The following PTPRM variants were observed in gnomAD, a reference collection of about 807,000 sequenced individuals.
PTPRM encodes the protein protein tyrosine phosphatase receptor type M.
In PTPRM, 47 loss-of-function variants were observed where a neutral mutation model predicts 186.7. That is an observed-to-expected ratio of 0.25 (90% confidence interval 0.20 to 0.32). The LOEUF (loss-of-function observed/expected upper bound fraction) is 0.32, where lower values mean the gene tolerates loss of function less well. PTPRM is among the 10% of genes least tolerant of loss of function. PTPRM has a pLI of 1.00. For synonymous variants in PTPRM, 668 were observed against 674.9 expected (o/e 0.99, Z 0.16); for missense variants, 1,494 against 1,865.0 (o/e 0.80, Z 3.66).
chr18:8,012,755 G>C (rs998637080), intron 7 of PTPRM, among the ~76,000 whole-genome samples: 1 of 152,200 alleles, frequency 6.6e-6, no homozygotes, highest in Non-Finnish European at 1.5e-5. Flanking sequence ...GCACATGTCT[G>C]TATATTATCT....
intron 1 of PTPRM, among the ~76,000 whole-genome samples, chr18:7,648,321 C>G (rs959861815): frequency 4.6e-5 from 7 of 152,104 alleles, no homozygotes; most frequent in Non-Finnish European, 2.9e-5. Context: ...TTTCCTGAGA[C>G]TCAACAATAT....
At chr18:8,173,125 T>C (rs1276379104) in intron 14 of PTPRM, among the ~76,000 whole-genome samples, 3 of 152,152 alleles carry the variant, frequency 2.0e-5, no homozygotes, top group Non-Finnish European at 4.4e-5. Context: ...AGTATTATAG[T>C]CTAAGTGGAA....
intron 2 of PTPRM, among the ~76,000 whole-genome samples, chr18:7,821,365 G>T (rs774955045): frequency 6.6e-6 from 1 of 152,120 alleles, no homozygotes; most frequent in Non-Finnish European, 1.5e-5. Flanking sequence ...ACAAGGAAAA[G>T]ACATTCTTGT....
chr18:7,897,438 C>G (rs975013867), intron 3 of PTPRM, among the ~76,000 whole-genome samples: 10 of 152,236 alleles, frequency 6.6e-5, no homozygotes, highest in African/African-American at 2.4e-4. Context: ...TGAAATATCA[C>G]TCTCTCTCAA....
chr18:7,927,549 C>T (rs950770155), intron 5 of PTPRM, among the ~76,000 whole-genome samples: 9 of 151,606 alleles, frequency 5.9e-5, no homozygotes, highest in African/African-American at 2.2e-4. Context: ...GGTTTTAACC[C>T]TTCTGTGTAC....
Position 7,884,924 on chromosome 18 carries a change from C to CAAAAAAAAAAA in PTPRM, c.197-3165_197-3155dup, listed in dbSNP as rs56724615. On this transcript the variant is annotated intron_variant, in intron 2 of 32. Coordinates refer to ENST00000580170, the MANE Select transcript of PTPRM (RefSeq NM_001105244.2). ...GGGCGACGAGAGCAAAGCTCCATCTCAAAAAAAAAAAAAAAAAAAAAAAAA... is the reference window on the plus strand; with the variant it reads ...GGGCGACGAGAGCAAAGCTCCATCTCAAAAAAAAAAAAAAAAAAAAAAAAAAAAAAAAAAAA... Among the ~76,000 whole-genome samples, 89 of 37,842 alleles carry CAAAAAAAAAAA rather than the reference C, an allele frequency of 2.4e-3. 4 individuals are homozygous for CAAAAAAAAAAA. The highest frequency in any genetic ancestry group is 0.062 in the Middle Eastern group (2 of 32). The allele number at this position is 37,842 out of a possible 152,430, so 24.8% of individuals were successfully genotyped here. A position where few individuals can be genotyped will look rare whatever the true frequency, so the allele number is the denominator to read the frequency against.
At chr18:8,243,808 G>A (rs180917432) in intron 14 of PTPRM, among the ~76,000 whole-genome samples, 351 of 152,248 alleles carry the variant, frequency 2.3e-3, no homozygotes, top group African/African-American at 7.3e-3. Flanking sequence ...TTAGGCTGTG[G>A]TGTTTTATCT....
intron 19 of PTPRM, among the ~76,000 whole-genome samples, chr18:8,258,826 A>G (rs1210010603): frequency 6.6e-6 from 1 of 152,110 alleles, no homozygotes; most frequent in East Asian, 1.9e-4. Context: ...TAGAGCTGAA[A>G]CGTATCAAAG....
At chr18:8,151,224 G>A (rs1009569620) in intron 14 of PTPRM, among the ~76,000 whole-genome samples, 6 of 152,168 alleles carry the variant, frequency 3.9e-5, no homozygotes, top group Non-Finnish European at 8.8e-5. Context: ...CTGAAGCTGC[G>A]CCCACAGCTG....
At chr18:8,247,670 A>C (rs2147334185) in intron 15 of PTPRM, among the ~76,000 whole-genome samples, 175 bp from the exon 16 acceptor site, 1 of 152,278 alleles carries the variant, frequency 6.6e-6, no homozygotes, top group South Asian at 2.1e-4. Context: ...TGTCTTCTAA[A>C]GGATAAGTAA....
chr18:7,964,113 T>C (rs1261127563), intron 7 of PTPRM, among the ~76,000 whole-genome samples: 1 of 152,240 alleles, frequency 6.6e-6, no homozygotes, highest in Non-Finnish European at 1.5e-5. Flanking sequence ...ATCACATTTA[T>C]AATGTGGAGA....
intron 19 of PTPRM, among the ~76,000 whole-genome samples, chr18:8,263,361 G>A (rs926476979): frequency 9.2e-5 from 14 of 152,086 alleles, no homozygotes; most frequent in Non-Finnish European, 1.5e-4. Flanking sequence ...CACCTGCCTA[G>A]GGCTCCCAAA....
chr18:7,722,517 A>AAAT (rs2040466872), intron 1 of PTPRM, among the ~76,000 whole-genome samples: 1 of 152,222 alleles, frequency 6.6e-6, no homozygotes, highest in Admixed American at 6.5e-5. Flanking sequence ...GAAGCCAGAT[A>AAAT]AATACTAAAA....
At chr18:7,994,757 TA>T (rs1367917041) in intron 7 of PTPRM, among the ~76,000 whole-genome samples, 1 of 151,466 alleles carries the variant, frequency 6.6e-6, no homozygotes, top group East Asian at 1.9e-4. Flanking sequence ...AAGAAGGAAA[TA>T]AAAAAATGGA....
intron 2 of PTPRM, among the ~76,000 whole-genome samples, chr18:7,851,086 T>C (rs1358611026): frequency 1.3e-5 from 2 of 151,974 alleles, no homozygotes; most frequent in East Asian, 1.9e-4. Context: ...ACCTAGTGAG[T>C]TGGTTTAAGA....
At chr18:8,069,479 G>A (rs2089322404) in intron 7 of PTPRM, among the ~76,000 whole-genome samples, 1 of 152,194 alleles carries the variant, frequency 6.6e-6, no homozygotes, top group African/African-American at 2.4e-5. Flanking sequence ...TTAGGCACAT[G>A]GCCACATCCA....
chr18:7,756,535 G>A (rs2144691142), intron 1 of PTPRM, among the ~76,000 whole-genome samples: 1 of 152,238 alleles, frequency 6.6e-6, no homozygotes, highest in South Asian at 2.1e-4. Context: ...CAGTGGTGTT[G>A]AGATGTCAGT....
intron 20 of PTPRM, among the ~76,000 whole-genome samples, chr18:8,307,936 C>G (rs919874446): frequency 3.9e-5 from 6 of 152,174 alleles, no homozygotes; most frequent in Non-Finnish European, 7.3e-5. Flanking sequence ...GGGCTCTAGG[C>G]TGCAAGTCCA....
intron 1 of PTPRM, among the ~76,000 whole-genome samples, chr18:7,671,645 A>C (rs373086263): frequency 5.3e-5 from 8 of 152,258 alleles, no homozygotes; most frequent in African/African-American, 1.9e-4. Flanking sequence ...TTTGTAAGGC[A>C]TTCTTTCAAA....
Sources: gnomAD v4.1 joint callset for allele counts (sites outside exome capture counted in the v4.1 genomes callset) on GRCh38, gnomAD v4.1.1 for gene constraint, MANE v1.5 for transcripts, NCBI Gene and HGNC (gene_info 2026-07-23, HGNC 2026-07-21) for gene names.